UVRAG: variants seen among roughly 807,000 people sequenced by gnomAD.
UVRAG encodes the protein UV radiation resistance-associated gene protein.
Under a neutral mutation model 78.0 loss-of-function variants are expected in UVRAG, and 19 were observed. That is an observed-to-expected ratio of 0.24 (90% confidence interval 0.17 to 0.36). The LOEUF is 0.36. Ranked by LOEUF, UVRAG falls within the 10% of genes least tolerant of loss-of-function variation. The pLI, the probability that UVRAG is intolerant of heterozygous loss-of-function variation, is 1.00. For synonymous variants in UVRAG, 323 were observed against 324.6 expected, an observed-to-expected ratio of 1.00 and a Z score of 0.05; for missense variants, 740 against 853.8, an observed-to-expected ratio of 0.87 and a Z score of 1.66.
intron 6 of UVRAG, among the ~76,000 whole-genome samples, chr11:75,937,145 G>A (rs1341133542): frequency 1.3e-5 from 2 of 152,168 alleles, no homozygotes; most frequent in Non-Finnish European, 2.9e-5. Flanking sequence ...CAAGGTGGGC[G>A]GATCCTGAGG....
At chr11:76,085,455 A>C (rs1216800745) in intron 13 of UVRAG, among the ~76,000 whole-genome samples, 1 of 152,214 alleles carries the variant, frequency 6.6e-6, no homozygotes, top group Non-Finnish European at 1.5e-5. Flanking sequence ...AGATAAGGAA[A>C]TTGTACCAAA....
intron 3 of UVRAG, among the ~76,000 whole-genome samples, chr11:75,874,331 T>G (rs1946717308): frequency 6.6e-6 from 1 of 152,158 alleles, no homozygotes; most frequent in African/African-American, 2.4e-5. Flanking sequence ...GAGAACTAGA[T>G]TCAAATTCTG....
At position 75,898,865 on chromosome 11, in the gene UVRAG, A is replaced by G. The variant is rs1947416493; in HGVS notation, c.507+9962A>G. ...GAACTGAGAAATTAAATAGGTGGTT[A>G]TTTCCTCTTGCTAGTCATACTAATG... On this transcript the variant is annotated intron_variant, in intron 5 of 14. Transcript: ENST00000356136. Among the ~76,000 whole-genome samples the G allele has an allele frequency of 3.9e-5, 6 of 152,234 alleles. No individual in the cohort carries two copies. The South Asian group carries it at 1.2e-3, about 32-fold the overall frequency.
chr11:75,837,326 CAAAAAAAAAAAA>C (rs753820781), intron 1 of UVRAG, among the ~76,000 whole-genome samples: 1 of 64,464 alleles, frequency 1.6e-5, no homozygotes, highest in Non-Finnish European at 3.5e-5. Flanking sequence ...GACTCTGTCT[CAAAAAAAAAAAA>C]AAAAAAAAAA....
chr11:75,955,346 A>C (rs1948773718), intron 6 of UVRAG, among the ~76,000 whole-genome samples: 1 of 152,174 alleles, frequency 6.6e-6, no homozygotes, highest in Non-Finnish European at 1.5e-5. Context: ...GTGACCTAAG[A>C]AATCATCAAT....
At chr11:75,961,798 A>G (rs561909668) in intron 7 of UVRAG, among the ~76,000 whole-genome samples, 42 of 152,314 alleles carry the variant, frequency 2.8e-4, no homozygotes, top group African/African-American at 1.0e-3. Flanking sequence ...AAGATAATTA[A>G]CAGGCAGTTT....
chr11:75,868,057 A>G (rs1946572984), intron 3 of UVRAG, among the ~76,000 whole-genome samples: 1 of 152,240 alleles, frequency 6.6e-6, no homozygotes, highest in Admixed American at 6.5e-5. Context: ...TACGCACGTT[A>G]GAACTGGTGA....
chr11:75,931,613 GC>G (rs1254308798), intron 6 of UVRAG, among the ~76,000 whole-genome samples: 11 of 152,262 alleles, frequency 7.2e-5, no homozygotes, highest in African/African-American at 1.9e-4. Context: ...CCCAGTCACA[GC>G]CCTTAGTAAT....
At chr11:75,831,138 C>T (rs1241372675) in intron 1 of UVRAG, among the ~76,000 whole-genome samples, 1 of 152,170 alleles carries the variant, frequency 6.6e-6, no homozygotes, top group African/African-American at 2.4e-5. Flanking sequence ...TTGCTATTCC[C>T]ATTTGTCAGG....
intron 13 of UVRAG, among the ~76,000 whole-genome samples, chr11:76,077,310 A>C (rs1177506552): frequency 6.6e-6 from 1 of 151,968 alleles, no homozygotes; most frequent in South Asian, 2.1e-4. Context: ...TCTAGTTGCA[A>C]ATGATTGGTT....
At chr11:75,993,049 A>G (rs537173474) in intron 8 of UVRAG, among the ~76,000 whole-genome samples, 8 of 152,308 alleles carry the variant, frequency 5.3e-5, no homozygotes, top group African/African-American at 1.9e-4. Context: ...TATCATATTT[A>G]ATTGTGACTT....
chr11:76,016,470 T>G (rs1212888294), intron 11 of UVRAG, among the ~76,000 whole-genome samples: 1 of 152,172 alleles, frequency 6.6e-6, no homozygotes, highest in Admixed American at 6.5e-5. Flanking sequence ...GAAGCTAATT[T>G]TCATATCATG....
At chr11:75,821,852 C>G (rs1945396082) in intron 1 of UVRAG, among the ~76,000 whole-genome samples, 1 of 151,416 alleles carries the variant, frequency 6.6e-6, no homozygotes, top group Non-Finnish European at 1.5e-5. Context: ...TATGATTAGA[C>G]TAGGGTGGTG....
At chr11:76,004,357 T>C (rs1332430175) in intron 9 of UVRAG, among the ~76,000 whole-genome samples, 1 of 152,180 alleles carries the variant, frequency 6.6e-6, no homozygotes, top group Non-Finnish European at 1.5e-5. Flanking sequence ...CATCGTGGTT[T>C]AATGTTTGAA....
chr11:76,124,286 CAAAG>C (rs1309816186), intron 14 of UVRAG, among the ~76,000 whole-genome samples: 9 of 152,268 alleles, frequency 5.9e-5, no homozygotes, highest in Admixed American at 5.9e-4. Flanking sequence ...GTTCAGGAGA[CAAAG>C]AAAGATTCAA....
At chr11:75,904,427 T>G (rs1473764043) in intron 5 of UVRAG, among the ~76,000 whole-genome samples, 1 of 152,200 alleles carries the variant, frequency 6.6e-6, no homozygotes, top group African/African-American at 2.4e-5. Flanking sequence ...TTATAATCCT[T>G]CATCAGAAGT....
intron 14 of UVRAG, among the ~76,000 whole-genome samples, chr11:76,131,612 GC>G (rs1952513789): frequency 6.6e-6 from 1 of 152,186 alleles, no homozygotes. Context: ...TCCAAGCAAA[GC>G]CCCGGGGGAA....
intron 3 of UVRAG, among the ~76,000 whole-genome samples, chr11:75,875,523 A>G (rs140145010): frequency 4.7e-5 from 7 of 149,468 alleles, no homozygotes; most frequent in Admixed American, 3.3e-4. Flanking sequence ...TCTTTAAATA[A>G]TTCCTTGCCT....
At chr11:76,073,850 CCTTT>C (rs1331929488) in intron 13 of UVRAG, among the ~76,000 whole-genome samples, 1 of 152,088 alleles carries the variant, frequency 6.6e-6, no homozygotes, top group East Asian at 1.9e-4. Context: ...TTAAAATACT[CCTTT>C]CTTTTTCAGC....
Sources: gnomAD v4.1 joint callset for allele counts (sites outside exome capture counted in the v4.1 genomes callset) on GRCh38, gnomAD v4.1.1 for gene constraint, MANE v1.5 for transcripts, NCBI Gene and HGNC (gene_info 2026-07-23, HGNC 2026-07-21) for gene names.